ATP7A: variants seen among roughly 807,000 people sequenced by gnomAD.
ATP7A encodes the protein copper-transporting ATPase 1.
ATP7A carries 7 observed loss-of-function variants against 83.5 expected under a neutral mutation model. The observed-to-expected ratio is 0.08, with a 90% confidence interval of 0.05 to 0.16. The LOEUF (loss-of-function observed/expected upper bound fraction) is 0.16. Ranked by LOEUF, ATP7A falls within the 10% of genes least tolerant of loss-of-function variation. The probability of loss-of-function intolerance (pLI) is 1.00; values close to 1 mark genes in which losing one functional copy is unlikely to be tolerated. For synonymous variants in ATP7A, 354 were observed against 395.2 expected (o/e 0.90, Z 1.24); for missense variants, 940 against 1,120.8 (o/e 0.84, Z 2.30).
In ATP7A at chrX:78,040,199, GCCC is replaced by G. The variant is rs72092192; in HGVS notation, c.3659-383_3659-381del. Among the ~76,000 whole-genome samples, 726 of 86,967 alleles carry G rather than the reference GCCC, an allele frequency of 8.3e-3. 10 individuals are homozygous for G. Among genetic ancestry groups the G allele is most frequent in the Admixed American group, 0.046 (342 of 7,455 alleles). 75.5% of individuals were successfully genotyped at this position (86,967 alleles called of 115,157 possible). A position where few individuals can be genotyped will look rare whatever the true frequency, so the allele number is the denominator to read the frequency against. On this transcript the variant is annotated intron_variant, in intron 18 of 22. Transcript: ENST00000341514. ...TAAAGTGCCCATTTTGTCTCTCTCT[GCCC>G]CCCCCCCCTTACCTTAAAAAGAAAA...
chrX:77,953,901 T>C (rs2077426826), intron 1 of ATP7A, among the ~76,000 whole-genome samples: 1 of 112,301 alleles, frequency 8.9e-6, no homozygotes, highest in Non-Finnish European at 1.9e-5. Context: ...TATGATTCTA[T>C]TTACGTAGCA....
chrX:77,954,382 T>G (rs1458729193), intron 1 of ATP7A, among the ~76,000 whole-genome samples: 20 of 111,717 alleles, frequency 1.8e-4, no homozygotes, highest in African/African-American at 6.5e-4. Context: ...GACCTCATTA[T>G]CTGCCCACCT....
chrX:77,961,564 G>A (rs782696298), intron 1 of ATP7A, among the ~76,000 whole-genome samples: 1 of 111,920 alleles, frequency 8.9e-6, no homozygotes, highest in South Asian at 3.7e-4. Context: ...GTGTTCTGGA[G>A]GTAGACAGCC....
chrX:77,911,214 A>G (rs1297594675), intron 1 of ATP7A, among the ~76,000 whole-genome samples: 1 of 112,600 alleles, frequency 8.9e-6, no homozygotes, highest in Non-Finnish European at 1.9e-5. Context: ...TAAAATGACC[A>G]TAATTGATGA....
At chrX:78,040,766 T>G (rs782652595) in intron 19 of ATP7A, 33 bp downstream of exon 19, 10 of 1,190,563 alleles carry the variant, frequency 8.4e-6, no homozygotes, top group Non-Finnish European at 1.1e-5. Context: ...AACTTCTAAT[T>G]ATTGATATAC....
chrX:77,999,522 C>T (rs1432727096), intron 5 of ATP7A, among the ~76,000 whole-genome samples: 3 of 111,640 alleles, frequency 2.7e-5, no homozygotes, highest in African/African-American at 9.8e-5. Flanking sequence ...TTTTTAAATT[C>T]AGTCACACTC....
At chrX:77,929,861 T>G (rs782750268) in intron 1 of ATP7A, among the ~76,000 whole-genome samples, 2 of 111,669 alleles carry the variant, frequency 1.8e-5, no homozygotes, top group Admixed American at 9.6e-5. Context: ...TCTGAAAGAA[T>G]AACATTATAA....
chrX:78,045,618 T>C (rs2078078287), intron 22 of ATP7A, 46 bp downstream of exon 22: 3 of 1,033,692 alleles, frequency 2.9e-6, no homozygotes, highest in Non-Finnish European at 2.7e-6. Flanking sequence ...ATTCCTGTTA[T>C]CATCTAGTCA....
intron 5 of ATP7A, among the ~76,000 whole-genome samples, chrX:77,999,765 G>A (rs1373110025): frequency 1.8e-5 from 2 of 110,815 alleles, no homozygotes; most frequent in South Asian, 3.8e-4. Flanking sequence ...TTAGCTGGGT[G>A]TAGTGGCGCA....
At chrX:77,981,046 C>G (rs2077602906) in intron 2 of ATP7A, among the ~76,000 whole-genome samples, 1 of 112,130 alleles carries the variant, frequency 8.9e-6, no homozygotes, top group Non-Finnish European at 1.9e-5. Flanking sequence ...GCATACTATG[C>G]ACATCATTCT....
intron 14 of ATP7A, among the ~76,000 whole-genome samples, chrX:78,025,225 G>GA (rs1473607314): frequency 1.8e-5 from 2 of 110,208 alleles, no homozygotes; most frequent in Admixed American, 9.7e-5. Context: ...GCACCCAAGG[G>GA]AAAAAAAAGA....
chrX:77,998,635 TTGC>T lies in ATP7A; in HGVS notation c.1495_1497del (p.Cys499del). On this transcript the variant is annotated inframe_deletion, in exon 5 of 23. Transcript: ENST00000341514. ...GTTACATACAGGTCACTGGCATGAC[TTGC>T]GCTTCCTGTGTAGCAAACATTGAAC... The T allele has an allele frequency of 8.3e-7, 1 of 1,212,020 alleles. No homozygotes were observed.
At chrX:77,957,249 C>T (rs1368334615) in intron 1 of ATP7A, among the ~76,000 whole-genome samples, 2 of 110,761 alleles carry the variant, frequency 1.8e-5, no homozygotes, top group Non-Finnish European at 3.8e-5. Context: ...TATTATCATA[C>T]TTTAAGTTTT....
At chrX:78,006,588 C>T (rs1161197661) in intron 6 of ATP7A, among the ~76,000 whole-genome samples, 4 of 111,529 alleles carry the variant, frequency 3.6e-5, no homozygotes, top group African/African-American at 1.3e-4. Flanking sequence ...GATTTCAAAA[C>T]ATTTTCATCC....
intron 3 of ATP7A, 145 bp from the exon 4 acceptor site, chrX:77,989,088 T>C: frequency 2.7e-6 from 2 of 750,007 alleles, no homozygotes; most frequent in Non-Finnish European, 3.7e-6. Context: ...CCAATAACAT[T>C]TTCTGAAAAG....
At chrX:78,005,746 C>T (rs1417869397) in intron 6 of ATP7A, among the ~76,000 whole-genome samples, 1 of 100,548 alleles carries the variant, frequency 9.9e-6, no homozygotes, top group Non-Finnish European at 2.0e-5. Flanking sequence ...GATTTGGAAG[C>T]GTTTTTCTAA....
At chrX:77,966,030 T>G (rs1557228688) in intron 1 of ATP7A, among the ~76,000 whole-genome samples, 1 of 112,344 alleles carries the variant, frequency 8.9e-6, no homozygotes, top group Non-Finnish European at 1.9e-5. Context: ...TTGTTGTTGT[T>G]GTTGTTGTTT....
intron 1 of ATP7A, among the ~76,000 whole-genome samples, chrX:77,951,571 C>T (rs2077413566): frequency 9.1e-6 from 1 of 109,507 alleles, no homozygotes; most frequent in African/African-American, 3.3e-5. Context: ...ATTCTGACAT[C>T]AGCACAAGAC....
intron 6 of ATP7A, among the ~76,000 whole-genome samples, chrX:78,006,337 A>G (rs1334070537): frequency 8.9e-6 from 1 of 112,385 alleles, no homozygotes; most frequent in African/African-American, 3.2e-5. Flanking sequence ...ATTGTTTACA[A>G]TAGCAAAATA....
Sources: gnomAD v4.1 joint callset for allele counts (sites outside exome capture counted in the v4.1 genomes callset) on GRCh38, gnomAD v4.1.1 for gene constraint, MANE v1.5 for transcripts, NCBI Gene and HGNC (gene_info 2026-07-23, HGNC 2026-07-21) for gene names.